LRMDA: variants seen among roughly 807,000 people sequenced by gnomAD.
The protein encoded by LRMDA is leucine rich melanocyte differentiation associated, also known as leucine-rich melanocyte differentiation-associated protein.
In LRMDA, 18 loss-of-function variants were observed where a neutral mutation model predicts 29.8. The ratio of observed to expected loss-of-function variants is 0.60; its 90% confidence interval spans 0.42 to 0.90. LRMDA has a LOEUF of 0.90. Ranked by LOEUF, LRMDA falls within the 40% of genes least tolerant of loss-of-function variation. The pLI, the probability that LRMDA is intolerant of heterozygous loss-of-function variation, is 0.00. For synonymous variants in LRMDA, 125 were observed against 109.4 expected (o/e 1.14, Z -0.89); for missense variants, 273 against 273.9 (o/e 1.00, Z 0.02).
intron 5 of LRMDA, among the ~76,000 whole-genome samples, chr10:76,204,738 A>T (rs1220167414): frequency 6.6e-6 from 1 of 152,244 alleles, no homozygotes; most frequent in Non-Finnish European, 1.5e-5. Flanking sequence ...GGGTGGCCCA[A>T]GGTCCCAATC....
intron 6 of LRMDA, among the ~76,000 whole-genome samples, chr10:76,505,237 A>G (rs1842947155): frequency 6.6e-6 from 1 of 151,200 alleles, no homozygotes; most frequent in South Asian, 2.1e-4. Flanking sequence ...TACCTTTATG[A>G]TGTTCTCTTT....
intron 5 of LRMDA, among the ~76,000 whole-genome samples, chr10:76,068,568 A>G (rs1345827522): frequency 6.6e-6 from 1 of 152,126 alleles, no homozygotes; most frequent in East Asian, 1.9e-4. Context: ...TGATGCCACC[A>G]CTGATCTGAC....
At chr10:75,756,156 C>T (rs1044172702) in intron 2 of LRMDA, among the ~76,000 whole-genome samples, 4 of 152,322 alleles carry the variant, frequency 2.6e-5, no homozygotes, top group East Asian at 1.9e-4. Flanking sequence ...TTCTCTTCAA[C>T]GTTTCATTGA....
chr10:76,293,502 A>C (rs2132350791), intron 5 of LRMDA, among the ~76,000 whole-genome samples: 1 of 152,310 alleles, frequency 6.6e-6, no homozygotes, highest in South Asian at 2.1e-4. Flanking sequence ...TTTGCTTCTA[A>C]GTATCTTCCT....
chr10:75,433,142 G>A (rs1400934856), intron 1 of LRMDA, among the ~76,000 whole-genome samples: 3 of 152,154 alleles, frequency 2.0e-5, no homozygotes, highest in Non-Finnish European at 4.4e-5. Flanking sequence ...GGACAAGAGG[G>A]TCTTTTCCTT....
chr10:75,834,705 A>T (rs776056265), intron 2 of LRMDA, among the ~76,000 whole-genome samples: 3 of 152,184 alleles, frequency 2.0e-5, no homozygotes, highest in Non-Finnish European at 4.4e-5. Flanking sequence ...TGCCATTAAA[A>T]ACTAAGGATC....
intron 2 of LRMDA, among the ~76,000 whole-genome samples, chr10:75,724,147 A>G (rs1010595312): frequency 6.6e-6 from 1 of 152,198 alleles, no homozygotes; most frequent in Non-Finnish European, 1.5e-5. Flanking sequence ...TCATGACATT[A>G]TATGGTAATT....
chr10:76,083,833 C>CAAAA (rs71024585), intron 5 of LRMDA, among the ~76,000 whole-genome samples: 1 of 116,996 alleles, frequency 8.5e-6, no homozygotes. Flanking sequence ...GACTGCATCT[C>CAAAA]AAAAAAAAAA....
Position 76,274,282 on chromosome 10 carries a change from G to A in LRMDA, c.517-50119G>A, listed in dbSNP as rs143668962. Among the ~76,000 whole-genome samples the A allele has an allele frequency of 2.6e-5, 4 of 152,216 alleles. No individual in the cohort carries two copies. The East Asian group carries it at 7.7e-4, about 29-fold the overall frequency. On this transcript the variant is annotated intron_variant, in intron 5 of 6. Coordinates refer to ENST00000611255, the MANE Select transcript of LRMDA (RefSeq NM_001305581.2). Reference sequence around the variant, plus strand: ...ATCTAAACTTGCTGCACATAAATTGGAAGAATTAAATAAATGAGTTGTGAA... The same window carrying A: ...ATCTAAACTTGCTGCACATAAATTGAAAGAATTAAATAAATGAGTTGTGAA...
intron 5 of LRMDA, among the ~76,000 whole-genome samples, chr10:76,229,059 G>T (rs957394406): frequency 1.3e-5 from 2 of 152,204 alleles, no homozygotes; most frequent in African/African-American, 4.8e-5. Context: ...ATGCAATCTG[G>T]ATTATAGTAG....
At chr10:75,615,084 C>T (rs1258901428) in intron 2 of LRMDA, among the ~76,000 whole-genome samples, 1 of 152,190 alleles carries the variant, frequency 6.6e-6, no homozygotes, top group Admixed American at 6.5e-5. Context: ...TGGCCATTGT[C>T]CTTTCTCTCA....
intron 2 of LRMDA, among the ~76,000 whole-genome samples, chr10:75,514,541 A>G (rs202172563): frequency 6.6e-6 from 1 of 151,992 alleles, no homozygotes; most frequent in East Asian, 1.9e-4. Context: ...GGTAGGGCCT[A>G]ATGGGAGGTG....
intron 6 of LRMDA, among the ~76,000 whole-genome samples, chr10:76,489,191 T>C (rs1842809990): frequency 6.6e-6 from 1 of 152,078 alleles, no homozygotes; most frequent in Non-Finnish European, 1.5e-5. Flanking sequence ...TCGATTTTGT[T>C]ACTTGTTATT....
intron 5 of LRMDA, among the ~76,000 whole-genome samples, chr10:76,305,914 TG>T (rs1281830829): frequency 1.3e-5 from 2 of 152,180 alleles, no homozygotes; most frequent in African/African-American, 2.4e-5. Context: ...AAAAGATTTT[TG>T]GGGGTTATTT....
chr10:75,664,911 A>G (rs181854840), intron 2 of LRMDA, among the ~76,000 whole-genome samples: 111 of 152,264 alleles, frequency 7.3e-4, no homozygotes, highest in African/African-American at 2.5e-3. Context: ...AAAGTAAGGA[A>G]ATGGAGAAGC....
At chr10:76,401,456 CTTAATCATT>C (rs893723213) in intron 6 of LRMDA, among the ~76,000 whole-genome samples, 14 of 152,206 alleles carry the variant, frequency 9.2e-5, no homozygotes, top group Non-Finnish European at 1.6e-4. Context: ...TCTTGAGACT[CTTAATCATT>C]TTATTTTTGA....
At chr10:75,923,310 TGTTATA>T (rs1282555453) in intron 2 of LRMDA, among the ~76,000 whole-genome samples, 2 of 152,182 alleles carry the variant, frequency 1.3e-5, no homozygotes, top group African/African-American at 4.8e-5. Flanking sequence ...AAATTCAACT[TGTTATA>T]GTCAATGAAG....
At chr10:75,464,699 T>G (rs767067255) in intron 2 of LRMDA, among the ~76,000 whole-genome samples, 63 of 152,206 alleles carry the variant, frequency 4.1e-4, no homozygotes, top group Non-Finnish European at 7.5e-4. Flanking sequence ...TGGAGCTGAC[T>G]GCAGTGTTTA....
chr10:76,477,996 G>A lies in LRMDA; in HGVS notation c.602-79213G>A, dbSNP rs183543807. Among the ~76,000 whole-genome samples the A allele has an allele frequency of 5.2e-3, 797 of 152,206 alleles. 5 individuals carry two copies. The highest frequency in any genetic ancestry group is 0.018 in the African/African-American group (757 of 41,552). On this transcript the variant is annotated intron_variant, in intron 6 of 6. Transcript: ENST00000611255. ...CCATTGAGGACATAGGCACGGGCAA[G>A]GACTTCATGTCTAAAACACCAAAAG...
Sources: gnomAD v4.1 joint callset for allele counts (sites outside exome capture counted in the v4.1 genomes callset) on GRCh38, gnomAD v4.1.1 for gene constraint, MANE v1.5 for transcripts, NCBI Gene and HGNC (gene_info 2026-07-23, HGNC 2026-07-21) for gene names.